Variants in MED17 observed in about 807,000 individuals in gnomAD.
MED17 encodes mediator of RNA polymerase II transcription subunit 17.
A neutral mutation model predicts 80.8 loss-of-function variants in MED17; 49 were observed. The observed-to-expected ratio is 0.61, with a 90% confidence interval of 0.48 to 0.77. The LOEUF is 0.77. Among genes scored for constraint, MED17 ranks in the 30% least tolerant of loss-of-function variants. MED17 has a pLI of 0.00. For missense variants in MED17, 718 were observed against 787.0 expected, an observed-to-expected ratio of 0.91 and a Z score of 1.05; for synonymous variants, 281 against 280.4, an observed-to-expected ratio of 1.00 and a Z score of -0.02.
chr11:93,790,754 G>C lies in MED17; in HGVS notation c.598G>C (p.Gly200Arg). Reference protein sequence around the residue: ...LRQHWKLRKVGDKILGDLSYR... With the variant: ...LRQHWKLRKVRDKILGDLSYR... Reference sequence around the variant, plus strand: ...GCAACACTGGAAACTTCGAAAAGTTGGAGATAAAATTCTCGGAGATCTGAG... The same window carrying C: ...GCAACACTGGAAACTTCGAAAAGTTCGAGATAAAATTCTCGGAGATCTGAG... Residue 200 changes from glycine to arginine, a missense_variant, in exon 3 of 12, where the codon GGA becomes CGA. Physicochemically the swap from Gly to Arg is moderately radical, Grantham distance 125. Transcript: ENST00000251871. 6.2e-7 allele frequency: 1 copy of C among 1,614,170 alleles called. No homozygotes were observed. The highest frequency in any genetic ancestry group is 8.5e-7 in the Non-Finnish European group (1 of 1,180,028).
At position 93,811,969 on chromosome 11, in the gene MED17, CCATT is replaced by C. The variant is rs1174208616; in HGVS notation, c.1864_1867del (p.Phe622LysfsTer84). ...TAACAAATGGAGTCATCTTCGTGGG[CCATT>C]CAAAGAAGTTCAGTGGAATAAAATG... On this transcript the variant is annotated frameshift_variant, in exon 12 of 12. Transcript: ENST00000251871. LOFTEE classifies it high-confidence loss of function. The C allele has an allele frequency of 6.2e-7, 1 of 1,613,874 alleles. No individual in the cohort carries two copies. Among genetic ancestry groups the C allele is most frequent in the African/African-American group, 1.3e-5 (1 of 74,890 alleles).
rs1415668462 is a variant in MED17 at position 93,790,282 on chromosome 11, A to G, written c.418-292A>G. ...CAGGATAGGGGGCTGGCAATATATA[A>G]GGAGAGGAATGGCAGTACATTAAGA... On this transcript the variant is annotated intron_variant, in intron 2 of 11. Transcript: ENST00000251871. 9 of 505,142 alleles carry G rather than the reference A, an allele frequency of 1.8e-5. No individual in the cohort carries two copies. In the Admixed American group the frequency reaches 2.1e-4, roughly 12 times the overall value. 31.3% of individuals were successfully genotyped at this position (505,142 alleles called of 1,614,324 possible).
At position 93,787,704 on chromosome 11, in the gene MED17, TAAG is replaced by T. The variant is rs374999602; in HGVS notation, c.251-292_251-290del. Among the ~76,000 whole-genome samples, 29 of 152,338 alleles carry T rather than the reference TAAG, an allele frequency of 1.9e-4. No homozygotes were observed. In the South Asian group the frequency reaches 5.8e-3, roughly 30 times the overall value. ...TTGTAAATTCAAGTTCTAAACACTG[TAAG>T]AAGATTATTAAAAAGGTTTACATAA... On this transcript the variant is annotated intron_variant, in intron 1 of 11. Coordinates refer to ENST00000251871, the MANE Select transcript of MED17 (RefSeq NM_004268.5).
At chr11:93,797,794 C>G in intron 8 of MED17, 75 bp downstream of exon 8, 1 of 1,365,954 alleles carries the variant, frequency 7.3e-7, no homozygotes, top group South Asian at 1.2e-5. Flanking sequence ...TTTCATAACA[C>G]TTTTTTGGGA....
intron 10 of MED17, chr11:93,809,195 AGCCT>A: frequency 8.9e-6 from 2 of 223,676 alleles, no homozygotes; most frequent in South Asian, 7.2e-5. Flanking sequence ...CATCTTGAGA[AGCCT>A]AGCAGCCAGT....
intron 2 of MED17, chr11:93,788,680 C>CA (rs11405005): frequency 0.92 from 114,181 of 123,510 alleles, 53,006 homozygotes; most frequent in East Asian, 0.99. Flanking sequence ...GATTCCATCC[C>CA]AAAAAAAAAA....
chr11:93,786,528 G>A (rs1943772496), intron 1 of MED17, among the ~76,000 whole-genome samples: 1 of 151,510 alleles, frequency 6.6e-6, no homozygotes, highest in Non-Finnish European at 1.5e-5. Context: ...GTGCAGTGGT[G>A]CAATCTCGGC....
At position 93,809,692 on chromosome 11, in the gene MED17, G is replaced by T. The variant is rs536517058; in HGVS notation, c.1585-25G>T. 3.7e-6 allele frequency: 6 copies of T among 1,613,908 alleles called. No individual in the cohort carries two copies. In the South Asian group the frequency reaches 6.6e-5, roughly 18 times the overall value. ...CTGCAGATATCTCTGCTGACTGTCAGTCAAGTGTCCTTTTTCATTCACAGA... is the reference window on the plus strand; with the variant it reads ...CTGCAGATATCTCTGCTGACTGTCATTCAAGTGTCCTTTTTCATTCACAGA... On this transcript the variant is annotated intron_variant, in intron 10 of 11. Coordinates refer to ENST00000251871, the MANE Select transcript of MED17 (RefSeq NM_004268.5).
intron 3 of MED17, among the ~76,000 whole-genome samples, chr11:93,791,507 C>G (rs1943836041): frequency 6.6e-6 from 1 of 152,038 alleles, no homozygotes; most frequent in South Asian, 2.1e-4. Context: ...GAATTCGATA[C>G]CAGCCTGGGC....
rs140935979 is a variant in MED17, at chr11:93,793,781, G to A, written c.691G>A (p.Asp231Asn). The A allele has an allele frequency of 5.6e-6, 9 of 1,598,294 alleles. No individual in the cohort carries two copies. Among genetic ancestry groups the A allele is most frequent in the South Asian group, 1.1e-5 (1 of 90,702 alleles). Residue 231 changes from aspartate (D) to asparagine (N), a missense_variant, in exon 4 of 12, where the codon GAT becomes AAT. By Grantham distance (23) the Asp-to-Asn change is conservative. Coordinates refer to ENST00000251871, the MANE Select transcript of MED17 (RefSeq NM_004268.5). ...TFEVIKNTDL[D>N]LDKKIPEDYC... ...TGAAGTAATAAAGAATACAGATCTC[G>A]ATCTGGATAAAAAGATACCTGAAGA...
intron 7 of MED17, 145 bp from the exon 8 acceptor site, chr11:93,797,390 G>A (rs1450430127): frequency 1.1e-5 from 8 of 755,500 alleles, no homozygotes; most frequent in Admixed American, 2.1e-5. Flanking sequence ...CCTAGTAGTT[G>A]CTAGCATTTT....
chr11:93,793,726 A>C lies in MED17; in HGVS notation c.638-2A>C. On this transcript the variant is annotated splice_acceptor_variant, in intron 3 of 11. Coordinates refer to ENST00000251871, the MANE Select transcript of MED17 (RefSeq NM_004268.5). LOFTEE classifies it high-confidence loss of function. Reference sequence around the variant, plus strand: ...ATTTTCCTATTTTTAATACAACATTAGGATCTCTCTTTCCTCATCATGGTA... The same window carrying C: ...ATTTTCCTATTTTTAATACAACATTCGGATCTCTCTTTCCTCATCATGGTA... 1.9e-6 allele frequency: 3 copies of C among 1,554,598 alleles called. No individual in the cohort carries two copies. Among genetic ancestry groups the C allele is most frequent in the Non-Finnish European group, 2.7e-6 (3 of 1,127,842 alleles).
At chr11:93,805,741 A>G (rs992630256) in intron 9 of MED17, among the ~76,000 whole-genome samples, 26 of 152,172 alleles carry the variant, frequency 1.7e-4, no homozygotes, top group African/African-American at 6.3e-4. Context: ...TTAGATTAAT[A>G]TATCTTCAAG....
Position 93,798,130 on chromosome 11 carries a change from T to C in MED17, c.1328+411T>C, listed in dbSNP as rs182785366. ...GTTAACTTATTTAATCTTTGTTCTTTGCGGCAGGTAGTGTTAACCCTGTTT... is the reference window on the plus strand; with the variant it reads ...GTTAACTTATTTAATCTTTGTTCTTCGCGGCAGGTAGTGTTAACCCTGTTT... On this transcript the variant is annotated intron_variant, in intron 8 of 11. Transcript: ENST00000251871. 3.3e-3 allele frequency among the ~76,000 whole-genome samples: 498 copies of C among 152,326 alleles called. 3 individuals carry two copies. Among genetic ancestry groups the C allele is most frequent in the Middle Eastern group, 6.8e-3 (2 of 294 alleles).
rs771809447 is a variant in MED17 at position 93,790,737 on chromosome 11, G to A, written c.581G>A (p.Trp194Ter). The stretch of plus-strand genomic sequence containing the variant: ...GAGCTTTTGCGATTACGGCAACACT[G>A]GAAACTTCGAAAAGTTGGAGATAAA... ...NSELLRLRQH[W>*]KLRKVGDKIL... Residue 194 changes from tryptophan (W) to a stop codon, truncating the protein, a stop_gained, in exon 3 of 12, where the codon TGG (tryptophan) becomes TAG (stop). Coordinates refer to ENST00000251871, the MANE Select transcript of MED17 (RefSeq NM_004268.5). LOFTEE classifies it high-confidence loss of function. The A allele has an allele frequency of 6.2e-7, 1 of 1,614,056 alleles. No individual in the cohort carries two copies. The highest frequency in any genetic ancestry group is 8.5e-7 in the Non-Finnish European group (1 of 1,180,028).
chr11:93,799,201 A>T (rs1337042276), intron 8 of MED17, among the ~76,000 whole-genome samples: 2 of 106,042 alleles, frequency 1.9e-5, no homozygotes, highest in African/African-American at 3.6e-5. Context: ...TTTTTTTTTG[A>T]GACGAAGTCT....
At chr11:93,787,428 AG>A (rs1017586590) in intron 1 of MED17, among the ~76,000 whole-genome samples, 1 of 152,068 alleles carries the variant, frequency 6.6e-6, no homozygotes, top group African/African-American at 2.4e-5. Flanking sequence ...GAAAAAAAAA[AG>A]AAAAGAAAGG....
chr11:93,800,168 C>T (rs879035768), intron 8 of MED17, among the ~76,000 whole-genome samples: 1 of 151,970 alleles, frequency 6.6e-6, no homozygotes, highest in African/African-American at 2.4e-5. Context: ...GGAAACACAT[C>T]AAGGAAAAAG....
intron 3 of MED17, 125 bp from the exon 4 acceptor site, chr11:93,793,598 ACATAT>A (rs1343287312): frequency 7.5e-5 from 53 of 707,700 alleles, no homozygotes; most frequent in Admixed American, 1.3e-4. Context: ...TTCCCCCAAA[ACATAT>A]GTTTTTTAGT....
Sources: allele counts gnomAD v4.1 joint callset (sites outside exome capture counted in the v4.1 genomes callset), GRCh38; gene constraint gnomAD v4.1.1; transcripts MANE v1.5; gene names NCBI Gene and HGNC (gene_info 2026-07-23, HGNC 2026-07-21).